The following RIN2 variants were observed in gnomAD, a reference collection of about 807,000 sequenced individuals.
RIN2 encodes the protein Ras and Rab interactor 2, also known as RAB5 interacting protein 2.
Under a neutral mutation model 78.0 loss-of-function variants are expected in RIN2, and 36 were observed. The ratio of observed to expected loss-of-function variants is 0.46; its 90% CI spans 0.35 to 0.61. The LOEUF (loss-of-function observed/expected upper bound fraction) is 0.61. RIN2 is among the 20% of genes least tolerant of loss of function. The pLI, the probability that RIN2 is intolerant of heterozygous loss-of-function variation, is 0.00. For synonymous variants in RIN2, 466 were observed against 466.8 expected, an observed-to-expected ratio of 1.00 and a Z score of 0.02; for missense variants, 1,087 against 1,159.7, an observed-to-expected ratio of 0.94 and a Z score of 0.91.
At chr20:19,977,030 G>C (rs1316840611) in intron 9 of RIN2, among the ~76,000 whole-genome samples, 4 of 152,146 alleles carry the variant, frequency 2.6e-5, no homozygotes, top group Admixed American at 2.6e-4. Context: ...CTTGTGAGGT[G>C]CCTTCTAATT....
intron 9 of RIN2, among the ~76,000 whole-genome samples, chr20:19,983,827 C>T (rs1246326272): frequency 1.3e-5 from 2 of 152,128 alleles, no homozygotes; most frequent in East Asian, 3.9e-4. Context: ...CACCTCCCTC[C>T]CACCCTAACC....
At chr20:19,795,410 T>C (rs922495317) in intron 1 of RIN2, among the ~76,000 whole-genome samples, 1 of 152,216 alleles carries the variant, frequency 6.6e-6, no homozygotes, top group African/African-American at 2.4e-5. Flanking sequence ...CCTTTGGAAG[T>C]TGACCAGTAG....
chr20:19,817,539 A>G (rs2035801234), intron 2 of RIN2, among the ~76,000 whole-genome samples: 1 of 152,242 alleles, frequency 6.6e-6, no homozygotes, highest in South Asian at 2.1e-4. Flanking sequence ...TTTAGATTAT[A>G]GCACCAACAC....
At chr20:19,992,386 T>A in intron 11 of RIN2, 87 bp downstream of exon 11, 1 of 1,297,230 alleles carries the variant, frequency 7.7e-7, no homozygotes, top group African/African-American at 1.5e-5. Flanking sequence ...TCACATAACA[T>A]TAATCATTTT....
chr20:19,819,168 T>C (rs538997416), intron 2 of RIN2, among the ~76,000 whole-genome samples: 3 of 152,346 alleles, frequency 2.0e-5, no homozygotes, highest in African/African-American at 7.2e-5. Context: ...CTGGGTGGCT[T>C]AAACAACAGA....
At chr20:19,889,412 GC>G in intron 2 of RIN2, 153 bp from the exon 3 acceptor site, 1 of 1,152,764 alleles carries the variant, frequency 8.7e-7, no homozygotes, top group Non-Finnish European at 1.2e-6. Flanking sequence ...AGGAAATTGG[GC>G]TGAAGGGAGA....
rs185233755 is a variant in RIN2, at chr20:19,937,776, T to G, written c.158+2577T>G. Reference sequence around the variant, plus strand: ...TGTGCTTCCATGGCATAGGTGCTTCTGTTTTACATGTGACAGATAGGCATA... The same window carrying G: ...TGTGCTTCCATGGCATAGGTGCTTCGGTTTTACATGTGACAGATAGGCATA... On this transcript the variant is annotated intron_variant, in intron 4 of 12. Coordinates refer to ENST00000255006, the MANE Select transcript of RIN2 (RefSeq NM_018993.4). Among the ~76,000 whole-genome samples, 4 of 152,368 alleles carry G rather than the reference T, an allele frequency of 2.6e-5. No individual in the cohort carries two copies. In the East Asian group the frequency reaches 7.7e-4, roughly 29 times the overall value.
intron 2 of RIN2, among the ~76,000 whole-genome samples, chr20:19,861,843 C>T (rs1382238253): frequency 6.8e-6 from 1 of 147,210 alleles, no homozygotes; most frequent in African/African-American, 2.5e-5. Flanking sequence ...TCTCCATATT[C>T]AATGATCACC....
Position 19,962,433 on chromosome 20 carries a change from TC to T in RIN2, c.463+1624del, listed in dbSNP as rs562745825. On this transcript the variant is annotated intron_variant, in intron 6 of 12. Transcript: ENST00000255006. Reference sequence around the variant, plus strand: ...GGTCGGAAGCCACTTCCTCTCCTCTTCCAGAAGTGTGGGCAATGTGTGTGGA... The same window carrying T: ...GGTCGGAAGCCACTTCCTCTCCTCTTCAGAAGTGTGGGCAATGTGTGTGGA... Among the ~76,000 whole-genome samples, 86 of 152,178 alleles carry T rather than the reference TC, an allele frequency of 5.7e-4. 1 individual carries two copies. The highest frequency in any genetic ancestry group is 8.2e-4 in the Non-Finnish European group (56 of 68,028).
intron 3 of RIN2, among the ~76,000 whole-genome samples, chr20:19,897,162 G>A (rs889064638): frequency 6.6e-6 from 1 of 152,120 alleles, no homozygotes; most frequent in Non-Finnish European, 1.5e-5. Flanking sequence ...CTGGAGTGTA[G>A]TGGAACAATC....
At chr20:19,789,480 T>C (rs1423488610) in intron 1 of RIN2, among the ~76,000 whole-genome samples, 2 of 152,250 alleles carry the variant, frequency 1.3e-5, no homozygotes, top group Non-Finnish European at 2.9e-5. Context: ...ATTTTCTTCC[T>C]AGTCCTTTAT....
At chr20:19,837,857 G>T (rs911532009) in intron 2 of RIN2, among the ~76,000 whole-genome samples, 1 of 150,446 alleles carries the variant, frequency 6.6e-6, no homozygotes, top group Admixed American at 6.6e-5. Context: ...TTTCTTGTGG[G>T]AGTGAATGTT....
intron 3 of RIN2, among the ~76,000 whole-genome samples, chr20:19,916,898 C>G (rs935627860): frequency 6.6e-6 from 1 of 152,124 alleles, no homozygotes; most frequent in African/African-American, 2.4e-5. Flanking sequence ...GCTTGATATA[C>G]AGATCCTGGC....
At chr20:19,937,017 C>T (rs2146130696) in intron 4 of RIN2, among the ~76,000 whole-genome samples, 1 of 152,350 alleles carries the variant, frequency 6.6e-6, no homozygotes, top group South Asian at 2.1e-4. Flanking sequence ...CTTCCTAGCA[C>T]TTCCAGGAGG....
chr20:19,824,329 G>A (rs2036020279), intron 2 of RIN2, among the ~76,000 whole-genome samples: 3 of 152,182 alleles, frequency 2.0e-5, no homozygotes, highest in Admixed American at 2.0e-4. Flanking sequence ...TTTATTTTAA[G>A]ATTATTCAAA....
intron 11 of RIN2, among the ~76,000 whole-genome samples, chr20:19,994,455 G>T (rs1468737093): frequency 6.6e-6 from 1 of 152,230 alleles, no homozygotes; most frequent in Non-Finnish European, 1.5e-5. Flanking sequence ...TCCCTTAGAA[G>T]TGCACAGCTC....
chr20:19,805,384 T>A (rs1183101148), intron 2 of RIN2, among the ~76,000 whole-genome samples: 1 of 152,150 alleles, frequency 6.6e-6, no homozygotes, highest in Non-Finnish European at 1.5e-5. Flanking sequence ...GTTAGGATAT[T>A]CCTGAAAGAA....
chr20:19,810,244 CA>C (rs58768278), intron 2 of RIN2, among the ~76,000 whole-genome samples: 14,275 of 80,540 alleles, frequency 0.18, 1,554 homozygotes, highest in African/African-American at 0.36. Flanking sequence ...ATTAATAATA[CA>C]AAAAAAAAAA....
intron 2 of RIN2, chr20:19,823,964 G>T: frequency 2.1e-6 from 3 of 1,403,486 alleles, no homozygotes; most frequent in South Asian, 1.2e-5. Context: ...GCTGGTGTCG[G>T]ATGAACCCGG....
Sources: gnomAD v4.1 joint callset for allele counts (sites outside exome capture counted in the v4.1 genomes callset) on GRCh38, gnomAD v4.1.1 for gene constraint, MANE v1.5 for transcripts, NCBI Gene and HGNC (gene_info 2026-07-23, HGNC 2026-07-21) for gene names.